Variants in SOD3 observed in about 807,000 individuals in gnomAD.
SOD3 encodes extracellular superoxide dismutase [Cu-Zn].
A neutral mutation model predicts 2.6 loss-of-function variants in SOD3; 3 were observed. The ratio of observed to expected loss-of-function variants is 1.13; its 90% CI spans 0.52 to 2.93. SOD3 has a LOEUF of 2.93. SOD3 is among the 30% of genes most tolerant of loss of function. SOD3 has a pLI of 0.04. For synonymous variants in SOD3, 188 were observed against 177.5 expected, an observed-to-expected ratio of 1.06 and a Z score of -0.47; for missense variants, 379 against 370.4, an observed-to-expected ratio of 1.02 and a Z score of -0.19.
At position 24,799,742 on chromosome 4, in the gene SOD3, C is replaced by T. The variant is rs1367087421; in HGVS notation, c.221C>T (p.Ala74Val). ...QVQPSATLDAAQPRVTGVVLF... is the reference protein window; with the variant it reads ...QVQPSATLDAVQPRVTGVVLF... ...CAGCCGTCGGCCACGCTGGACGCCG[C>T]GCAGCCCCGGGTGACCGGCGTCGTC... Residue 74 changes from alanine to valine, a missense_variant, in exon 2 of 2, where the codon GCG becomes GTG. Coordinates refer to ENST00000382120, the MANE Select transcript of SOD3 (RefSeq NM_003102.4). 6.4e-7 allele frequency: 1 copy of T among 1,561,772 alleles called. No individual in the cohort carries two copies. Among genetic ancestry groups the T allele is most frequent in the Non-Finnish European group, 8.6e-7 (1 of 1,159,478 alleles).
rs759845036 is a variant in SOD3 at position 24,800,179 on chromosome 4, C to T, written c.658C>T (p.Arg220Cys). Residue 220 changes from arginine to cysteine, a missense_variant, in exon 2 of 2, where the codon CGC becomes TGC. Arg to Cys is a radical substitution (Grantham distance 180). Coordinates refer to ENST00000382120, the MANE Select transcript of SOD3 (RefSeq NM_003102.4). The stretch of plus-strand genomic sequence containing the variant: ...CGTGTGCGGGCCCGGGCTCTGGGAG[C>T]GCCAGGCGCGGGAGCACTCAGAGCG... ...VGVCGPGLWE[R>C]QAREHSERKK... is the part of the protein sequence containing the mutation. The T allele has an allele frequency of 1.4e-6, 2 of 1,421,948 alleles. No homozygotes were observed. Among genetic ancestry groups the T allele is most frequent in the South Asian group, 3.0e-5 (2 of 67,516 alleles). 88.1% of individuals were successfully genotyped at this position (1,421,948 alleles called of 1,614,324 possible).
rs1206521377 is a variant in SOD3 at position 24,799,724 on chromosome 4, C to T, written c.203C>T (p.Ser68Leu). ...CACGCCGCCTGCCAGGTGCAGCCGT[C>T]GGCCACGCTGGACGCCGCGCAGCCC... ...ALHAACQVQP[S>L]ATLDAAQPRV... Residue 68 changes from serine (S) to leucine (L), a missense_variant, in exon 2 of 2, where the codon TCG (serine) becomes TTG (leucine). Ser to Leu is a moderately radical substitution (Grantham distance 145). Transcript: ENST00000382120. 3 of 1,566,004 alleles carry T rather than the reference C, an allele frequency of 1.9e-6. No individual in the cohort carries two copies. Among genetic ancestry groups the T allele is most frequent in the African/African-American group, 2.7e-5 (2 of 73,928 alleles).
At position 24,799,820 on chromosome 4, in the gene SOD3, A is replaced by T; in HGVS notation, c.299A>T (p.Glu100Val). ...AAGCTCGACGCCTTCTTCGCCCTGG[A>T]GGGCTTCCCGACCGAGCCGAACAGC... ...RAKLDAFFAL[E>V]GFPTEPNSSS... Residue 100 changes from glutamate (E) to valine (V), a missense_variant, in exon 2 of 2, where the codon GAG (glutamate) becomes GTG (valine). Transcript: ENST00000382120. The T allele has an allele frequency of 6.3e-7, 1 of 1,599,588 alleles. No individual in the cohort carries two copies. The highest frequency in any genetic ancestry group is 1.1e-5 in the South Asian group (1 of 90,534).
chr4:24,796,670 T>A (rs1713675525), intron 1 of SOD3, among the ~76,000 whole-genome samples: 1 of 149,328 alleles, frequency 6.7e-6, no homozygotes, highest in Non-Finnish European at 1.5e-5. Context: ...ACCAGGTTGG[T>A]CTCATACTCT....
chr4:24,799,187 T>A (rs1451704297), intron 1 of SOD3, among the ~76,000 whole-genome samples: 1 of 152,104 alleles, frequency 6.6e-6, no homozygotes, highest in Non-Finnish European at 1.5e-5. Context: ...GGAAGGGCCA[T>A]GAGACACCCC....
chr4:24,799,587 GGACTCGGCGGAGCCCAACTCT>G lies in SOD3; in HGVS notation c.79_99del (p.Pro27_Glu33del), dbSNP rs769922248. The G allele has an allele frequency of 2.1e-5, 33 of 1,603,180 alleles. 1 individual carries two copies. Among genetic ancestry groups the G allele is most frequent in the Non-Finnish European group, 2.7e-5 (32 of 1,178,674 alleles). ...GTGCCTCGGACGCCTGGACGGGCGAGGACTCGGCGGAGCCCAACTCTGACTCGGCGGAGTGGATCCGAGACA... is the reference window on the plus strand; with the variant it reads ...GTGCCTCGGACGCCTGGACGGGCGAGGACTCGGCGGAGTGGATCCGAGACA... On this transcript the variant is annotated inframe_deletion, in exon 2 of 2. Coordinates refer to ENST00000382120, the MANE Select transcript of SOD3 (RefSeq NM_003102.4).
intron 1 of SOD3, 111 bp from the exon 2 acceptor site, chr4:24,799,395 A>G: frequency 2.4e-6 from 3 of 1,270,212 alleles, no homozygotes; most frequent in Non-Finnish European, 3.2e-6. Context: ...CTGGGCCAGG[A>G]AGCCCACTGG....
chr4:24,799,875 C>T lies in SOD3; in HGVS notation c.354C>T (p.Phe118=). ...GCCGCGCCATCCACGTGCACCAGTT[C>T]GGGGACCTGAGCCAGGGCTGCGAGT... The part of the protein sequence containing the change: ...SSSRAIHVHQ[F]GDLSQGCEST... Residue 118 remains phenylalanine, a synonymous_variant, in exon 2 of 2, where the codon TTC becomes TTT. Coordinates refer to ENST00000382120, the MANE Select transcript of SOD3 (RefSeq NM_003102.4). 11 of 1,602,778 alleles carry T rather than the reference C, an allele frequency of 6.9e-6. No homozygotes were observed. Among genetic ancestry groups the T allele is most frequent in the East Asian group, 2.2e-5 (1 of 44,756 alleles).
rs34368349 is a variant in SOD3 at position 24,796,435 on chromosome 4, CTTTT to C, written c.-17+807_-17+810del. Among the ~76,000 whole-genome samples, 17 of 71,978 alleles carry C rather than the reference CTTTT, an allele frequency of 2.4e-4. No individual in the cohort carries two copies. In the South Asian group the frequency reaches 5.6e-3, roughly 24 times the overall value. 47.2% of individuals were successfully genotyped at this position (71,978 alleles called of 152,430 possible). A position where few individuals can be genotyped will look rare whatever the true frequency, so the allele number is the denominator to read the frequency against. On this transcript the variant is annotated intron_variant, in intron 1 of 1. Coordinates refer to ENST00000382120, the MANE Select transcript of SOD3 (RefSeq NM_003102.4). ...TTTTCCTCCTCCTCCTCCTTCTTCT[CTTTT>C]TTTTTTTTTTTTTTTTTTTTTTGAG... is the stretch of plus-strand genomic sequence containing the variant.
At chr4:24,795,877 C>G (rs1713642378) in intron 1 of SOD3, among the ~76,000 whole-genome samples, 1 of 152,044 alleles carries the variant, frequency 6.6e-6, no homozygotes, top group Non-Finnish European at 1.5e-5. Context: ...TCTGCAAAGA[C>G]CAGTCCAAGA....
chr4:24,798,723 A>G (rs1713744433), intron 1 of SOD3, among the ~76,000 whole-genome samples: 1 of 152,008 alleles, frequency 6.6e-6, no homozygotes, highest in African/African-American at 2.4e-5. Context: ...TTCCTACCCA[A>G]CTTGGCTGGA....
chr4:24,799,532 T>A lies in SOD3; in HGVS notation c.11T>A (p.Leu4Gln). 1 of 1,599,810 alleles carries A rather than the reference T, an allele frequency of 6.3e-7. No homozygotes were observed. The highest frequency in any genetic ancestry group is 8.5e-7 in the Non-Finnish European group (1 of 1,179,262). ...TGCCCGACTCCAGCCATGCTGGCGC[T>A]ACTGTGTTCCTGCCTGCTCCTGGCA... is the stretch of plus-strand genomic sequence containing the variant. MLA[L>Q]LCSCLLLAAG... The change falls in exon 2 of 2, where the codon CTA becomes CAA. Residue 4 changes from leucine to glutamine, a missense_variant. By Grantham distance (113) the Leu-to-Gln change is moderately radical. Coordinates refer to ENST00000382120, the MANE Select transcript of SOD3 (RefSeq NM_003102.4).
chr4:24,799,741 G>C lies in SOD3; in HGVS notation c.220G>C (p.Ala74Pro). The change falls in exon 2 of 2, where the codon GCG becomes CCG. Residue 74 changes from alanine (A) to proline (P), a missense_variant. Ala to Pro is a conservative substitution (Grantham distance 27). Coordinates refer to ENST00000382120, the MANE Select transcript of SOD3 (RefSeq NM_003102.4). Reference sequence around the variant, plus strand: ...GCAGCCGTCGGCCACGCTGGACGCCGCGCAGCCCCGGGTGACCGGCGTCGT... The same window carrying C: ...GCAGCCGTCGGCCACGCTGGACGCCCCGCAGCCCCGGGTGACCGGCGTCGT... ...QVQPSATLDAAQPRVTGVVLF... is the reference protein window; with the variant it reads ...QVQPSATLDAPQPRVTGVVLF... 6.4e-7 allele frequency: 1 copy of C among 1,561,352 alleles called. No homozygotes were observed.
intron 1 of SOD3, among the ~76,000 whole-genome samples, chr4:24,797,062 T>A (rs1713687080): frequency 6.6e-6 from 1 of 152,186 alleles, no homozygotes; most frequent in East Asian, 1.9e-4. Flanking sequence ...AACATCACTT[T>A]CTCTGCTTCT....
At position 24,799,572 on chromosome 4, in the gene SOD3, C is replaced by T. The variant is rs569618525; in HGVS notation, c.51C>T (p.Asp17=). The change falls in exon 2 of 2, where the codon GAC becomes GAT. Residue 17 remains aspartate (D), a synonymous_variant. Transcript: ENST00000382120. Reference sequence around the variant, plus strand: ...TGCTCCTGGCAGCCGGTGCCTCGGACGCCTGGACGGGCGAGGACTCGGCGG... The same window carrying T: ...TGCTCCTGGCAGCCGGTGCCTCGGATGCCTGGACGGGCGAGGACTCGGCGG... The part of the protein sequence containing the change: ...SCLLLAAGAS[D]AWTGEDSAEP... 6.2e-6 allele frequency: 10 copies of T among 1,602,626 alleles called. No individual in the cohort carries two copies. The Admixed American group carries it at 1.7e-4, about 27-fold the overall frequency.
rs1333074145 is a variant in SOD3 at position 24,800,376 on chromosome 4, C to T, written c.*132C>T. ...CCTTTGCTGAAGTCTCCCCGCAGCC[C>T]TCTCCACCCAGAGGTCTCCCTATAC... is the stretch of plus-strand genomic sequence containing the variant. On this transcript the variant is annotated 3_prime_UTR_variant, in exon 2 of 2. Coordinates refer to ENST00000382120, the MANE Select transcript of SOD3 (RefSeq NM_003102.4). 2 of 981,056 alleles carry T rather than the reference C, an allele frequency of 2.0e-6. No homozygotes were observed. The highest frequency in any genetic ancestry group is 1.7e-5 in the African/African-American group (1 of 58,254). The allele number at this position is 981,056 out of a possible 1,614,324, so 60.8% of individuals were successfully genotyped here.
chr4:24,799,922 C>T lies in SOD3; in HGVS notation c.401C>T (p.Pro134Leu), dbSNP rs1464031376. Residue 134 changes from proline to leucine, a missense_variant, in exon 2 of 2, where the codon CCG becomes CTG. Physicochemically the swap from Pro to Leu is moderately conservative, Grantham distance 98. Coordinates refer to ENST00000382120, the MANE Select transcript of SOD3 (RefSeq NM_003102.4). ...GCESTGPHYN[P>L]LAVPHPQHPG... is the part of the protein sequence containing the mutation. ...GAGTCCACCGGGCCCCACTACAACC[C>T]GCTGGCCGTGCCGCACCCGCAGCAC... 1.3e-6 allele frequency: 2 copies of T among 1,598,326 alleles called. No individual in the cohort carries two copies. Among genetic ancestry groups the T allele is most frequent in the Non-Finnish European group, 1.7e-6 (2 of 1,178,274 alleles).
intron 1 of SOD3, among the ~76,000 whole-genome samples, chr4:24,798,848 C>T (rs1713746888): frequency 6.6e-6 from 1 of 152,152 alleles, no homozygotes; most frequent in Non-Finnish European, 1.5e-5. Context: ...AGCACAGGCC[C>T]CATCTTCAAT....
chr4:24,800,216 G>A lies in SOD3; in HGVS notation c.695G>A (p.Arg232Gln), dbSNP rs771442382. ...GAGCACTCAGAGCGCAAGAAGCGGC[G>A]GCGCGAGAGCGAGTGCAAGGCCGCC... ...AREHSERKKR[R>Q]RESECKAA Residue 232 changes from arginine (R) to glutamine (Q), a missense_variant, in exon 2 of 2, where the codon CGG (arginine) becomes CAG (glutamine). By Grantham distance (43) the Arg-to-Gln change is conservative. Coordinates refer to ENST00000382120, the MANE Select transcript of SOD3 (RefSeq NM_003102.4). The A allele has an allele frequency of 1.9e-5, 27 of 1,430,582 alleles. No individual in the cohort carries two copies. Among genetic ancestry groups the A allele is most frequent in the Non-Finnish European group, 2.3e-5 (25 of 1,097,372 alleles). 88.6% of individuals were successfully genotyped at this position (1,430,582 alleles called of 1,614,324 possible). A position where few individuals can be genotyped will look rare whatever the true frequency, so the allele number is the denominator to read the frequency against.
Sources: gnomAD v4.1 joint callset for allele counts (sites outside exome capture counted in the v4.1 genomes callset) on GRCh38, gnomAD v4.1.1 for gene constraint, MANE v1.5 for transcripts, NCBI Gene and HGNC (gene_info 2026-07-23, HGNC 2026-07-21) for gene names.